NEURL1B: variants seen among roughly 807,000 people sequenced by gnomAD.
NEURL1B encodes E3 ubiquitin-protein ligase NEURL1B.
NEURL1B carries 13 observed loss-of-function variants against 37.4 expected under a neutral mutation model. The ratio of observed to expected loss-of-function variants is 0.35; its 90% CI spans 0.23 to 0.55. The LOEUF (loss-of-function observed/expected upper bound fraction) is 0.55, where lower values mean the gene tolerates loss of function less well. Ranked by LOEUF, NEURL1B falls within the 20% of genes least tolerant of loss-of-function variation. NEURL1B has a pLI of 0.89. For missense variants in NEURL1B, 790 were observed against 879.2 expected (o/e 0.90, Z 1.28); for synonymous variants, 432 against 426.6 (o/e 1.01, Z -0.16).
chr5:172,686,942 G>A lies in NEURL1B; in HGVS notation c.*17G>A, dbSNP rs1230181338. ...AGGCCATAGCCTAGCCTGCCCACGGGCCTTGGCCGGTGCAAGGTCACCTTT... is the reference window on the plus strand; with the variant it reads ...AGGCCATAGCCTAGCCTGCCCACGGACCTTGGCCGGTGCAAGGTCACCTTT... On this transcript the variant is annotated 3_prime_UTR_variant, in exon 5 of 5. Transcript: ENST00000369800. This position sits in a 1 kb window ranked among gnomAD's most constrained non-coding sequence, Gnocchi z 7.9. 1 of 1,534,926 alleles carries A rather than the reference G, an allele frequency of 6.5e-7. No individual in the cohort carries two copies. The highest frequency in any genetic ancestry group is 2.0e-5 in the Admixed American group (1 of 50,658).
intron 1 of NEURL1B, among the ~76,000 whole-genome samples, chr5:172,664,395 C>T (rs1247745891): frequency 6.6e-6 from 1 of 150,494 alleles, no homozygotes; most frequent in African/African-American, 2.4e-5. Flanking sequence ...CATGGTACAT[C>T]GTGAGGGCAC....
intron 1 of NEURL1B, among the ~76,000 whole-genome samples, chr5:172,663,991 C>T (rs1290321384): frequency 6.6e-6 from 1 of 151,406 alleles, no homozygotes; most frequent in African/African-American, 2.4e-5. Flanking sequence ...GGACATTTGG[C>T]CCTCGATGGA....
chr5:172,644,055 C>T (rs1757517311), intron 1 of NEURL1B, among the ~76,000 whole-genome samples: 1 of 152,090 alleles, frequency 6.6e-6, no homozygotes, highest in Admixed American at 6.6e-5. Flanking sequence ...GCACGTGTCA[C>T]TATGCGACAC....
At chr5:172,667,901 A>T (rs1758046868) in intron 1 of NEURL1B, among the ~76,000 whole-genome samples, 2 of 126,768 alleles carry the variant, frequency 1.6e-5, no homozygotes, top group Admixed American at 1.9e-4. Flanking sequence ...TGCTCCCACC[A>T]TTCTGGCTAA....
intron 1 of NEURL1B, among the ~76,000 whole-genome samples, chr5:172,655,211 G>C (rs1757746453): frequency 6.6e-6 from 1 of 152,076 alleles, no homozygotes; most frequent in African/African-American, 2.4e-5. Flanking sequence ...TCAAACCAGG[G>C]ATGTCTCGCC....
In NEURL1B at chr5:172,670,137, CT is replaced by C; in HGVS notation, c.385del (p.Trp129GlyfsTer30). On this transcript the variant is annotated frameshift_variant, in exon 2 of 5. Transcript: ENST00000369800. LOFTEE classifies it high-confidence loss of function. ...CPDLVTRPGY[W>X]AKALPENLAL... ...CGGACCTGGTCACGCGGCCGGGCTA[CT>C]GGGCCAAGGCACTGCCCGAGAACCT... 6.6e-7 allele frequency: 1 copy of C among 1,513,200 alleles called. No homozygotes were observed. Among genetic ancestry groups the C allele is most frequent in the Non-Finnish European group, 8.8e-7 (1 of 1,137,242 alleles). 93.7% of individuals were successfully genotyped at this position (1,513,200 alleles called of 1,614,324 possible). A position where few individuals can be genotyped will look rare whatever the true frequency, so the allele number is the denominator to read the frequency against.
At position 172,641,960 on chromosome 5, in the gene NEURL1B, GC is replaced by G. The variant is rs1263456185; in HGVS notation, c.31+529del. Among the ~76,000 whole-genome samples the G allele has an allele frequency of 6.6e-6, 1 of 152,154 alleles. No individual in the cohort carries two copies. The highest frequency in any genetic ancestry group is 1.5e-5 in the Non-Finnish European group (1 of 68,026). ...ACGTTCCCACGCGCACCCCGGTTGCGCCCCCCTCTGGTGTCCGCTCCACTGG... is the reference window on the plus strand; with the variant it reads ...ACGTTCCCACGCGCACCCCGGTTGCGCCCCCTCTGGTGTCCGCTCCACTGG... On this transcript the variant is annotated intron_variant, in intron 1 of 4. Coordinates refer to ENST00000369800, the MANE Select transcript of NEURL1B (RefSeq NM_001142651.3). This position sits in a 1 kb window ranked among gnomAD's most constrained non-coding sequence, Gnocchi z 6.4.
Position 172,665,922 on chromosome 5 carries a change from T to G in NEURL1B, c.32-3863T>G, listed in dbSNP as rs1758002613. On this transcript the variant is annotated intron_variant, in intron 1 of 4. Coordinates refer to ENST00000369800, the MANE Select transcript of NEURL1B (RefSeq NM_001142651.3). This position sits in a 1 kb window ranked among gnomAD's most constrained non-coding sequence, Gnocchi z 4.1. ...TCTGCTTGACCTGGAGAGACTCAGA[T>G]CTCCACGAAGGCAGGATGTGTGTGA... Among the ~76,000 whole-genome samples, 2 of 152,042 alleles carry G rather than the reference T, an allele frequency of 1.3e-5. No individual in the cohort carries two copies. The highest frequency in any genetic ancestry group is 4.8e-5 in the African/African-American group (2 of 41,368).
At chr5:172,679,447 C>T (rs772389431) in intron 2 of NEURL1B, among the ~76,000 whole-genome samples, 24 of 152,356 alleles carry the variant, frequency 1.6e-4, no homozygotes, top group Admixed American at 6.5e-4. Context: ...AGTCTCGACA[C>T]GCTCCCTCGG....
At chr5:172,663,835 A>ATTATTATTATTATTAT (rs1757954523) in intron 1 of NEURL1B, among the ~76,000 whole-genome samples, 1 of 91,010 alleles carries the variant, frequency 1.1e-5, no homozygotes, top group Non-Finnish European at 2.8e-5. Context: ...TTTGTTTATT[A>ATTATTATTATTATTAT]TTATTATTAT....
In NEURL1B at chr5:172,663,829, T is replaced by TTTATTA. The variant is rs60738970; in HGVS notation, c.32-5932_32-5927dup. ...TTCCTGGCAAAAGAGGTTTTATTTGTTTATTATTATTATTATTATTATTAT... is the reference window on the plus strand; with the variant it reads ...TTCCTGGCAAAAGAGGTTTTATTTGTTTATTATTATTATTATTATTATTATTATTAT... On this transcript the variant is annotated intron_variant, in intron 1 of 4. Transcript: ENST00000369800. 4.7e-3 allele frequency among the ~76,000 whole-genome samples: 667 copies of TTTATTA among 140,836 alleles called. 7 individuals carry two copies. The highest frequency in any genetic ancestry group is 0.015 in the African/African-American group (586 of 38,572). The allele number at this position is 140,836 out of a possible 152,430, so 92.4% of individuals were successfully genotyped here. A position where few individuals can be genotyped will look rare whatever the true frequency, so the allele number is the denominator to read the frequency against.
intron 1 of NEURL1B, among the ~76,000 whole-genome samples, chr5:172,643,217 T>G (rs7710462): frequency 0.14 from 20,773 of 152,170 alleles, 1,978 homozygotes; most frequent in Admixed American, 0.23. Flanking sequence ...CTCTGGGGAT[T>G]GAAGCTTGCA....
rs1323695881 is a variant in NEURL1B, at chr5:172,647,632, C to T, written c.31+6195C>T. Reference sequence around the variant, plus strand: ...CTGAGCCCCACCCTTATTGCAGGTGCACTCCCTTTGCCCTCTGAAGATGAA... The same window carrying T: ...CTGAGCCCCACCCTTATTGCAGGTGTACTCCCTTTGCCCTCTGAAGATGAA... On this transcript the variant is annotated intron_variant, in intron 1 of 4. Coordinates refer to ENST00000369800, the MANE Select transcript of NEURL1B (RefSeq NM_001142651.3). This position sits in a 1 kb window ranked among gnomAD's most constrained non-coding sequence, Gnocchi z 4.2. Among the ~76,000 whole-genome samples, 1 of 152,140 alleles carries T rather than the reference C, an allele frequency of 6.6e-6. No individual in the cohort carries two copies. The highest frequency in any genetic ancestry group is 6.5e-5 in the Admixed American group (1 of 15,272).
At chr5:172,656,751 A>G in intron 1 of NEURL1B, 2 of 828,128 alleles carry the variant, frequency 2.4e-6, no homozygotes, top group Non-Finnish European at 4.0e-6. Context: ...TAAGTTTAAA[A>G]GTAGAAGGCA....
At chr5:172,669,104 G>C (rs1758070738) in intron 1 of NEURL1B, among the ~76,000 whole-genome samples, 1 of 152,084 alleles carries the variant, frequency 6.6e-6, no homozygotes, top group Non-Finnish European at 1.5e-5. Flanking sequence ...ACATACACAC[G>C]CTGTGCCAGG....
At position 172,689,545 on chromosome 5, in the gene NEURL1B, G is replaced by A. The variant is rs1758588898; in HGVS notation, c.*2620G>A. On this transcript the variant is annotated 3_prime_UTR_variant, in exon 5 of 5. Transcript: ENST00000369800. ...GATGTTCACGTGTGAAAAAAAAACT[G>A]TGCTACTTACAATCTATGAAAGCTG... The A allele has an allele frequency of 6.7e-6, 1 of 150,306 alleles. No individual in the cohort carries two copies. Among genetic ancestry groups the A allele is most frequent in the South Asian group, 2.1e-4 (1 of 4,716 alleles). The allele number at this position is 150,306 out of a possible 1,614,324, so 9.3% of individuals were successfully genotyped here.
chr5:172,656,824 C>T (rs1228773171), intron 1 of NEURL1B: 1 of 630,322 alleles, frequency 1.6e-6, no homozygotes. Flanking sequence ...TAACAACCGC[C>T]ATGTCCTCAT....
At position 172,683,788 on chromosome 5, in the gene NEURL1B, C is replaced by T; in HGVS notation, c.947C>T (p.Pro316Leu). 3 of 1,298,246 alleles carry T rather than the reference C, an allele frequency of 2.3e-6. No homozygotes were observed. The highest frequency in any genetic ancestry group is 2.9e-6 in the Non-Finnish European group (3 of 1,020,150). The allele number at this position is 1,298,246 out of a possible 1,614,324, so 80.4% of individuals were successfully genotyped here. A position where few individuals can be genotyped will look rare whatever the true frequency, so the allele number is the denominator to read the frequency against. Residue 316 changes from proline to leucine, a missense_variant, in exon 3 of 5, where the codon CCG becomes CTG. Physicochemically the swap from Pro to Leu is moderately conservative, Grantham distance 98 (BLOSUM62 -3). This residue lies in a region of NEURL1B where 460 missense variants were observed against 407.4 expected (regional missense o/e 1.13). Coordinates refer to ENST00000369800, the MANE Select transcript of NEURL1B (RefSeq NM_001142651.3). This position sits in a 1 kb window ranked among gnomAD's most constrained non-coding sequence, Gnocchi z 5.6. ...CGCACGCTGGTCTTCTCCGAGCGCCCGCTGCGGCCCGGCGAGAGCCTCTTC... is the reference window on the plus strand; with the variant it reads ...CGCACGCTGGTCTTCTCCGAGCGCCTGCTGCGGCCCGGCGAGAGCCTCTTC... ...GGRTLVFSERPLRPGESLFVE... is the reference protein window; with the variant it reads ...GGRTLVFSERLLRPGESLFVE...
At chr5:172,649,098 T>C (rs1757612239) in intron 1 of NEURL1B, among the ~76,000 whole-genome samples, 2 of 152,196 alleles carry the variant, frequency 1.3e-5, no homozygotes. Flanking sequence ...GGAGAGCAGA[T>C]TCCAATTCAA....
Sources: gnomAD v4.1 joint callset for allele counts (sites outside exome capture counted in the v4.1 genomes callset) on GRCh38, gnomAD v4.1.1 for gene constraint, gnomAD v4.1.1 regional missense constraint, Gnocchi (gnomAD v3.1) non-coding constraint, MANE v1.5 for transcripts, NCBI Gene and HGNC (gene_info 2026-07-23, HGNC 2026-07-21) for gene names.